The following CLASP1 variants were observed in gnomAD, a reference collection of about 807,000 sequenced individuals.
CLASP1 encodes CLIP-associating protein 1.
Under a neutral mutation model 192.3 loss-of-function variants are expected in CLASP1, and 38 were observed. The ratio of observed to expected loss-of-function variants is 0.20; its 90% CI spans 0.15 to 0.26. The LOEUF (loss-of-function observed/expected upper bound fraction) is 0.26, where lower values mean the gene tolerates loss of function less well. Ranked by LOEUF, CLASP1 falls within the 10% of genes least tolerant of loss-of-function variation. The pLI is 1.00. For missense variants in CLASP1, 1,433 were observed against 1,932.5 expected (o/e 0.74, Z 4.85); for synonymous variants, 691 against 712.8 (o/e 0.97, Z 0.49).
intron 22 of CLASP1, among the ~76,000 whole-genome samples, chr2:121,420,004 T>G (rs1204073566): frequency 6.6e-6 from 1 of 152,090 alleles, no homozygotes; most frequent in Non-Finnish European, 1.5e-5. Flanking sequence ...TAACACTCCC[T>G]GATTAAAAAA....
chr2:121,389,008 C>T (rs943760340), intron 30 of CLASP1, among the ~76,000 whole-genome samples: 8 of 151,984 alleles, frequency 5.3e-5, no homozygotes, highest in African/African-American at 1.9e-4. Flanking sequence ...TTTTACAATG[C>T]TAAAATTAAT....
chr2:121,405,450 G>A (rs748101040), intron 25 of CLASP1, among the ~76,000 whole-genome samples: 5 of 152,188 alleles, frequency 3.3e-5, no homozygotes, highest in African/African-American at 7.2e-5. Context: ...ACCGTACCTA[G>A]GACAAAGCAA....
intron 33 of CLASP1, 89 bp downstream of exon 34, chr2:121,382,119 G>A: frequency 1.0e-6 from 1 of 987,504 alleles, no homozygotes; most frequent in Non-Finnish European, 1.6e-6. Flanking sequence ...ACTGGAGGCA[G>A]CTTAGAGGCT....
intron 19 of CLASP1, among the ~76,000 whole-genome samples, chr2:121,438,505 T>C (rs1268334139): frequency 6.6e-6 from 1 of 152,224 alleles, no homozygotes; most frequent in Non-Finnish European, 1.5e-5. Flanking sequence ...ATCTTCACCT[T>C]GGGTCAGCTC....
In CLASP1 at chr2:121,624,418, C is replaced by G. The variant is rs1046474702; in HGVS notation, c.-285-18238G>C. Among the ~76,000 whole-genome samples the G allele has an allele frequency of 2.6e-5, 4 of 151,802 alleles. No homozygotes were observed. The East Asian group carries it at 7.7e-4, about 29-fold the overall frequency. On this transcript the variant is annotated intron_variant, in intron 1 of 39. Transcript: ENST00000263710. ...TGGCAGGGGTTTTTTTCTTCTTCTT[C>G]TTGTTTTTTGAGATGGATTCTCACT...
At chr2:121,434,152 C>T (rs773850681) in intron 19 of CLASP1, among the ~76,000 whole-genome samples, 39 of 152,304 alleles carry the variant, frequency 2.6e-4, no homozygotes, top group East Asian at 2.3e-3. Context: ...ACTCACATTG[C>T]TTGTTTCTTT....
intron 37 of CLASP1, among the ~76,000 whole-genome samples, chr2:121,350,454 T>C (rs2064152329): frequency 6.6e-6 from 1 of 152,102 alleles, no homozygotes; most frequent in Non-Finnish European, 1.5e-5. Flanking sequence ...TCAGAGGCCA[T>C]ATAAACTGCT....
intron 2 of CLASP1, among the ~76,000 whole-genome samples, chr2:121,566,309 T>C (rs2059495385): frequency 1.3e-5 from 2 of 152,248 alleles, no homozygotes; most frequent in African/African-American, 4.8e-5. Context: ...ATAATGTGAA[T>C]TCCCATGTTT....
chr2:121,347,287 T>G lies in CLASP1; in HGVS notation c.4414-133A>C. 4.7e-6 allele frequency: 3 copies of G among 634,214 alleles called. No homozygotes were observed. In the South Asian group the frequency reaches 5.7e-5, roughly 12 times the overall value. The allele number at this position is 634,214 out of a possible 1,614,324, so 39.3% of individuals were successfully genotyped here. The stretch of plus-strand genomic sequence containing the variant: ...TTGTCAGTAACAACCAGGATAGACC[T>G]CAGCCCCGCAATGGAATCCAGACAG... On this transcript the variant is annotated intron_variant, in intron 38 of 39. Transcript: ENST00000263710.
intron 8 of CLASP1, among the ~76,000 whole-genome samples, chr2:121,490,581 C>T (rs2093250801): frequency 6.6e-6 from 1 of 152,130 alleles, no homozygotes; most frequent in African/African-American, 2.4e-5. Context: ...GTTCTTCCCC[C>T]TCAAGAAAAA....
chr2:121,590,468 A>T (rs2062258315), intron 2 of CLASP1, among the ~76,000 whole-genome samples: 2 of 152,228 alleles, frequency 1.3e-5, no homozygotes, highest in South Asian at 4.1e-4. Context: ...TAACTTACTC[A>T]GTGCTAAGAT....
At chr2:121,588,173 CAAA>C (rs397769809) in intron 2 of CLASP1, among the ~76,000 whole-genome samples, 13,956 of 59,776 alleles carry the variant, frequency 0.23, 571 homozygotes, top group African/African-American at 0.37. Flanking sequence ...GACTCCGTCT[CAAA>C]AAAAAAAAAA....
At chr2:121,472,689 T>G (rs2090966192) in intron 8 of CLASP1, among the ~76,000 whole-genome samples, 1 of 152,194 alleles carries the variant, frequency 6.6e-6, no homozygotes, top group African/African-American at 2.4e-5. Flanking sequence ...AGGCCTCACG[T>G]GTGTGAGTGA....
At chr2:121,359,162 AC>A (rs1341003251) in intron 37 of CLASP1, among the ~76,000 whole-genome samples, 1 of 152,274 alleles carries the variant, frequency 6.6e-6, no homozygotes, top group Non-Finnish European at 1.5e-5. Flanking sequence ...TAGTATATCA[AC>A]TATTTCCTGA....
chr2:121,543,648 A>G (rs2095275098), intron 2 of CLASP1, among the ~76,000 whole-genome samples: 1 of 152,086 alleles, frequency 6.6e-6, no homozygotes, highest in African/African-American at 2.4e-5. Context: ...CCAAGTCCCA[A>G]TCCTTCTAAG....
At chr2:121,497,394 G>A (rs1461229565) in intron 8 of CLASP1, among the ~76,000 whole-genome samples, 1 of 152,150 alleles carries the variant, frequency 6.6e-6, no homozygotes, top group Non-Finnish European at 1.5e-5. Flanking sequence ...GCCAGAAGTA[G>A]AATATAAATT....
At chr2:121,409,024 C>G in intron 24 of CLASP1, 1 of 1,565,478 alleles carries the variant, frequency 6.4e-7, no homozygotes, top group Non-Finnish European at 8.7e-7. Flanking sequence ...GGACTGGTAC[C>G]TTGCTCCTGG....
At chr2:121,378,454 C>T (rs1258345412) in intron 33 of CLASP1, among the ~76,000 whole-genome samples, 1 of 152,040 alleles carries the variant, frequency 6.6e-6, no homozygotes, top group Non-Finnish European at 1.5e-5. Flanking sequence ...AGCAAAAAAG[C>T]CAAACAATCC....
intron 37 of CLASP1, among the ~76,000 whole-genome samples, chr2:121,356,053 A>G (rs1447040183): frequency 1.3e-5 from 2 of 152,242 alleles, no homozygotes; most frequent in African/African-American, 2.4e-5. Flanking sequence ...CTTTTAGCAC[A>G]AAGTTTTCAA....
Sources: gnomAD v4.1 joint callset for allele counts (sites outside exome capture counted in the v4.1 genomes callset) on GRCh38, gnomAD v4.1.1 for gene constraint, MANE v1.5 for transcripts, NCBI Gene and HGNC (gene_info 2026-07-23, HGNC 2026-07-21) for gene names.